RMDN2: variants seen among roughly 807,000 people sequenced by gnomAD.
RMDN2 encodes the protein regulator of microtubule dynamics protein 2.
A neutral mutation model predicts 52.8 loss-of-function variants in RMDN2; 61 were observed. The observed-to-expected ratio is 1.16, with a 90% CI of 0.94 to 1.43. The LOEUF (loss-of-function observed/expected upper bound fraction) is 1.43, where lower values mean the gene tolerates loss of function less well. RMDN2 is among the 40% of genes most tolerant of loss of function. RMDN2 has a pLI of 0.00. For synonymous variants in RMDN2, 180 were observed against 153.1 expected (o/e 1.18, Z -1.30); for missense variants, 592 against 475.3 (o/e 1.25, Z -2.28).
At chr2:38,040,501 C>A (rs1254761184) in intron 10 of RMDN2, among the ~76,000 whole-genome samples, 1 of 152,160 alleles carries the variant, frequency 6.6e-6, no homozygotes, top group East Asian at 1.9e-4. Flanking sequence ...TGAAGCAGAG[C>A]AAGTCCTCAC....
At chr2:38,002,129 TG>T (rs968840037) in intron 8 of RMDN2, among the ~76,000 whole-genome samples, 2 of 152,188 alleles carry the variant, frequency 1.3e-5, no homozygotes, top group African/African-American at 4.8e-5. Flanking sequence ...CAGAATAAAA[TG>T]TCTTTTACAA....
At chr2:37,936,356 G>A (rs569831962) in intron 2 of RMDN2, among the ~76,000 whole-genome samples, 14 of 152,296 alleles carry the variant, frequency 9.2e-5, no homozygotes, top group African/African-American at 2.4e-4. Context: ...ATAAACATAC[G>A]TGTGCGTGTG....
intron 10 of RMDN2, among the ~76,000 whole-genome samples, chr2:38,008,863 G>A (rs575792426): frequency 6.6e-6 from 1 of 152,114 alleles, no homozygotes; most frequent in Admixed American, 6.6e-5. Flanking sequence ...TTTCCATGTT[G>A]AGTGCTTCCT....
At chr2:38,016,705 T>C (rs1678839000) in intron 10 of RMDN2, among the ~76,000 whole-genome samples, 1 of 152,140 alleles carries the variant, frequency 6.6e-6, no homozygotes, top group Non-Finnish European at 1.5e-5. Context: ...ATCTTTTAGA[T>C]ACCAGAGAGC....
chr2:37,965,917 G>A (rs553383749), intron 2 of RMDN2, among the ~76,000 whole-genome samples: 169 of 152,272 alleles, frequency 1.1e-3, no homozygotes, highest in Non-Finnish European at 2.0e-3. Context: ...TTTTCTTTCA[G>A]CACTTTAAAT....
rs78076007 is a variant in RMDN2 at position 38,049,344 on chromosome 2, C to A, written c.1714-17638C>A. Among the ~76,000 whole-genome samples the A allele has an allele frequency of 8.9e-3, 1,350 of 152,206 alleles. 13 individuals are homozygous for A. Among genetic ancestry groups the A allele is most frequent in the African/African-American group, 0.029 (1,184 of 41,514 alleles). ...AGCAAAGCTCTCACAGTGGACTGGA[C>A]CATCCCAGGTCAAATGGACATCTAG... On this transcript the variant is annotated intron_variant, in intron 10 of 10. Coordinates refer to the RMDN2 transcript ENST00000234195.
rs150320150 is a variant in RMDN2, at chr2:37,986,147, T to G, written c.792-3394T>G. On this transcript the variant is annotated intron_variant, in intron 5 of 10. Transcript: ENST00000354545. ...AATGCCCATGACAAAAATAGAGAGT[T>G]TGGGGAGGTAGTCATATTGAATTTG... 2.1e-3 allele frequency among the ~76,000 whole-genome samples: 324 copies of G among 152,164 alleles called. 1 individual carries two copies. Among genetic ancestry groups the G allele is most frequent in the African/African-American group, 7.5e-3 (311 of 41,506 alleles).
chr2:38,015,254 G>A (rs1215571521), intron 10 of RMDN2, among the ~76,000 whole-genome samples: 3 of 152,304 alleles, frequency 2.0e-5, no homozygotes, highest in East Asian at 1.9e-4. Flanking sequence ...CTGAGTTCTT[G>A]ACAGTACAAC....
At chr2:37,971,582 A>C (rs186526015) in intron 2 of RMDN2, among the ~76,000 whole-genome samples, 3 of 152,172 alleles carry the variant, frequency 2.0e-5, no homozygotes, top group Admixed American at 1.3e-4. Context: ...ATCTTTTTCC[A>C]TAGAGATAAC....
At position 37,952,073 on chromosome 2, in the gene RMDN2, T is replaced by G. The variant is rs147217544; in HGVS notation, c.453-21967T>G. 3 of 1,613,162 alleles carry G rather than the reference T, an allele frequency of 1.9e-6. No individual in the cohort carries two copies. In the African/African-American group the frequency reaches 4.0e-5, roughly 22 times the overall value. On this transcript the variant is annotated intron_variant, in intron 2 of 10. Transcript: ENST00000354545. ...TCCATAAAGCTGGATTTTCTTCATCTTATAAAAATTCTGGTTGCTTTATCC... is the reference window on the plus strand; with the variant it reads ...TCCATAAAGCTGGATTTTCTTCATCGTATAAAAATTCTGGTTGCTTTATCC...
intron 10 of RMDN2, among the ~76,000 whole-genome samples, chr2:38,005,475 T>C (rs1180060250): frequency 1.3e-5 from 2 of 152,178 alleles, no homozygotes; most frequent in Non-Finnish European, 2.9e-5. Flanking sequence ...TTTTTTCATG[T>C]GTCTTTTGTC....
Position 38,001,972 on chromosome 2 carries a change from C to T in RMDN2, c.1045-2019C>T, listed in dbSNP as rs372056681. ...ACAACTTCCTTTAATTTGTTGGTAG[C>T]TTTGCTGTCTCTCCAGCAGGTTTCA... On this transcript the variant is annotated intron_variant, in intron 8 of 10. Transcript: ENST00000354545. 2.6e-4 allele frequency among the ~76,000 whole-genome samples: 39 copies of T among 152,288 alleles called. 1 individual carries two copies. The East Asian group carries it at 6.6e-3, about 26-fold the overall frequency.
chr2:38,016,384 A>G lies in RMDN2; in HGVS notation c.1180-802A>G, dbSNP rs1187411902. Reference sequence around the variant, plus strand: ...GGAGGGAAACTCCATAAATGTAATGAATGTAGGAAACACCTCATCCAGAGA... The same window carrying G: ...GGAGGGAAACTCCATAAATGTAATGGATGTAGGAAACACCTCATCCAGAGA... On this transcript the variant is annotated intron_variant, in intron 10 of 10. Transcript: ENST00000354545. Among the ~76,000 whole-genome samples, 4 of 152,238 alleles carry G rather than the reference A, an allele frequency of 2.6e-5. No individual in the cohort carries two copies. The East Asian group carries it at 7.7e-4, about 29-fold the overall frequency.
In RMDN2 at chr2:37,938,068, A is replaced by G. The variant is rs558790226; in HGVS notation, c.452+8339A>G. 7.2e-5 allele frequency among the ~76,000 whole-genome samples: 11 copies of G among 152,296 alleles called. No homozygotes were observed. In the East Asian group the frequency reaches 9.6e-4, roughly 13 times the overall value. On this transcript the variant is annotated intron_variant, in intron 2 of 10. Transcript: ENST00000354545. ...TATTATTTTCAGATATGTTCCATCA[A>G]TACCTAGTTTATTGAGTGTTTTTAG...
At chr2:37,965,256 A>G (rs1200261641) in intron 2 of RMDN2, among the ~76,000 whole-genome samples, 1 of 147,370 alleles carries the variant, frequency 6.8e-6, no homozygotes, top group East Asian at 2.0e-4. Flanking sequence ...AGGACTTATT[A>G]TTTCATTTTG....
At chr2:38,002,251 A>C (rs1295504096) in intron 8 of RMDN2, among the ~76,000 whole-genome samples, 1 of 152,194 alleles carries the variant, frequency 6.6e-6, no homozygotes, top group East Asian at 1.9e-4. Context: ...CAGCAATTCA[A>C]CTTCTGGGAA....
intron 2 of RMDN2, among the ~76,000 whole-genome samples, chr2:37,965,108 T>C (rs976644268): frequency 2.0e-5 from 3 of 152,158 alleles, no homozygotes; most frequent in Non-Finnish European, 2.9e-5. Context: ...ATTCAACATA[T>C]GTGTGTTTTT....
intron 10 of RMDN2, among the ~76,000 whole-genome samples, chr2:38,043,920 C>T (rs1681113993): frequency 6.6e-6 from 1 of 151,912 alleles, no homozygotes; most frequent in Admixed American, 6.6e-5. Flanking sequence ...AATAAAATGC[C>T]TTATTTTACC....
chr2:37,929,454 T>C lies in RMDN2; in HGVS notation c.177T>C (p.His59=). 1 of 1,551,686 alleles carries C rather than the reference T, an allele frequency of 6.4e-7. No homozygotes were observed. The highest frequency in any genetic ancestry group is 1.2e-5 in the South Asian group (1 of 84,062). ...CAATAACTTTGCAAGATGAAATACA[T>C]GATGACCAAGGAACAACAGTAATCT... ...FNSITLQDEI[H]DDQGTTVIFQ... The change falls in exon 2 of 11, where the codon CAT becomes CAC. Residue 59 remains histidine, a synonymous_variant. Coordinates refer to ENST00000354545, the MANE Select transcript of RMDN2 (RefSeq NM_001170791.3).
Sources: allele counts gnomAD v4.1 joint callset (sites outside exome capture counted in the v4.1 genomes callset), GRCh38; gene constraint gnomAD v4.1.1; transcripts MANE v1.5; gene names NCBI Gene and HGNC (gene_info 2026-07-23, HGNC 2026-07-21).